FIRRM: variants seen among roughly 807,000 people sequenced by gnomAD.
FIRRM encodes FIGNL1-interacting regulator of recombination and mitosis.
the FIRRM span, among the ~76,000 whole-genome samples, chr1:169,846,207 A>G: frequency 6.6e-6 from 1 of 152,214 alleles, no homozygotes; most frequent in South Asian, 2.1e-4. Context: ...AGTGGGCCAA[A>G]AAATATTCAG....
At chr1:169,843,776 A>G in the FIRRM span, 22 of 1,533,944 alleles carry the variant, frequency 1.4e-5, no homozygotes, top group Non-Finnish European at 1.9e-5. Flanking sequence ...TCAGGTAAGA[A>G]TAATGACCAG....
the FIRRM span, among the ~76,000 whole-genome samples, chr1:169,790,866 C>A: frequency 6.6e-6 from 1 of 152,124 alleles, no homozygotes. Context: ...GGTTAGCAGT[C>A]CCCAACCTTT....
the FIRRM span, chr1:169,850,580 G>A: frequency 2.8e-6 from 1 of 359,238 alleles, no homozygotes; most frequent in Admixed American, 4.0e-5. Context: ...GGTGGATCAT[G>A]AGGTCAGGAG....
chr1:169,789,021 A>G, the FIRRM span, among the ~76,000 whole-genome samples: 1 of 152,212 alleles, frequency 6.6e-6, no homozygotes, highest in South Asian at 2.1e-4. Context: ...TCTGGGCTAT[A>G]TAGAAGCTGC....
the FIRRM span, chr1:169,795,069 G>A: frequency 1.3e-6 from 2 of 1,499,196 alleles, no homozygotes; most frequent in East Asian, 2.5e-5. Flanking sequence ...GGCTTTGGCG[G>A]GTCTGGTTTG....
chr1:169,811,554 CTGGGG>C, the FIRRM span, among the ~76,000 whole-genome samples: 2 of 152,144 alleles, frequency 1.3e-5, no homozygotes, highest in South Asian at 4.1e-4. Context: ...ACTTGGGAGA[CTGGGG>C]TGGGAGGATG....
chr1:169,853,020 T>G, the FIRRM span: 2 of 1,583,752 alleles, frequency 1.3e-6, no homozygotes, highest in Middle Eastern at 1.7e-4. Flanking sequence ...GGTTTGATGC[T>G]TTGTCAACTG....
chr1:169,793,125 C>T, the FIRRM span: 3 of 1,614,058 alleles, frequency 1.9e-6, no homozygotes, highest in Admixed American at 1.7e-5. Flanking sequence ...AGATCCAAGA[C>T]TTTTTTCCCA....
chr1:169,809,768 T>C, the FIRRM span, among the ~76,000 whole-genome samples: 1 of 152,200 alleles, frequency 6.6e-6, no homozygotes, highest in East Asian at 1.9e-4. Context: ...GTGGACTGTA[T>C]AATTTCTTCA....
At chr1:169,786,033 T>A in the FIRRM span, among the ~76,000 whole-genome samples, 1 of 152,298 alleles carries the variant, frequency 6.6e-6, no homozygotes, top group South Asian at 2.1e-4. Flanking sequence ...CAACTGTAAC[T>A]AAGGTTATTT....
chr1:169,806,100 TG>T, the FIRRM span: 1 of 1,512,780 alleles, frequency 6.6e-7, no homozygotes, highest in African/African-American at 1.4e-5. Context: ...TAAGTTTGTT[TG>T]TTATTTTTTA....
At chr1:169,792,177 A>G in the FIRRM span, among the ~76,000 whole-genome samples, 36 of 152,346 alleles carry the variant, frequency 2.4e-4, 1 homozygote, top group African/African-American at 8.7e-4. Flanking sequence ...CTATTTACAT[A>G]AGGCCCCAAC....
the FIRRM span, among the ~76,000 whole-genome samples, chr1:169,824,551 T>C: frequency 6.6e-6 from 1 of 152,232 alleles, no homozygotes; most frequent in Non-Finnish European, 1.5e-5. Flanking sequence ...TCTCAACTCT[T>C]TCTTGAATCT....
the FIRRM span, chr1:169,793,496 T>C: frequency 3.7e-6 from 6 of 1,614,184 alleles, no homozygotes; most frequent in East Asian, 1.3e-4. Context: ...AGCTGCATTT[T>C]CCATTGACTT....
chr1:169,790,542 T>C, the FIRRM span, among the ~76,000 whole-genome samples: 1 of 152,128 alleles, frequency 6.6e-6, no homozygotes, highest in Non-Finnish European at 1.5e-5. Context: ...GCTTCTGCTT[T>C]GATCCTTTCT....
chr1:169,853,908 T>G, the FIRRM span: 1 of 934,420 alleles, frequency 1.1e-6, no homozygotes, highest in South Asian at 1.6e-5. Context: ...GTAAAATAAC[T>G]TAGAGCTCTA....
At chr1:169,835,611 A>G in the FIRRM span, among the ~76,000 whole-genome samples, 2,402 of 152,308 alleles carry the variant, frequency 0.016, 23 homozygotes, top group Middle Eastern at 0.078. Flanking sequence ...ATTTTGTCAT[A>G]GCAGTTTTAA....
the FIRRM span, chr1:169,793,903 AAG>A: frequency 4.5e-5 from 19 of 422,218 alleles, no homozygotes; most frequent in Middle Eastern, 6.2e-4. Context: ...CAGCTCTGGA[AAG>A]AAAAAAAAAA....
At chr1:169,828,191 A>G in the FIRRM span, among the ~76,000 whole-genome samples, 3 of 152,210 alleles carry the variant, frequency 2.0e-5, no homozygotes, top group Non-Finnish European at 4.4e-5. Flanking sequence ...TGGCAAATTT[A>G]ACCTTTAATC....
Sources: allele counts gnomAD v4.1 joint callset (sites outside exome capture counted in the v4.1 genomes callset), GRCh38; gene constraint gnomAD v4.1.1; transcripts MANE v1.5; gene names NCBI Gene and HGNC (gene_info 2026-07-23, HGNC 2026-07-21).